ABCA1: variants seen among roughly 807,000 people sequenced by gnomAD.
ABCA1 encodes phospholipid-transporting ATPase ABCA1.
A neutral mutation model predicts 262.5 loss-of-function variants in ABCA1; 133 were observed. The observed-to-expected ratio is 0.51, with a 90% CI of 0.44 to 0.59. The LOEUF is 0.59. Ranked by LOEUF, ABCA1 falls within the 20% of genes least tolerant of loss-of-function variation. ABCA1 has a pLI of 0.00. For synonymous variants in ABCA1, 1,022 were observed against 1,043.5 expected (o/e 0.98, Z 0.40); for missense variants, 2,452 against 2,777.5 (o/e 0.88, Z 2.63).
chr9:104,916,369 A>G (rs1841842611), intron 1 of ABCA1, among the ~76,000 whole-genome samples: 1 of 152,224 alleles, frequency 6.6e-6, no homozygotes, highest in South Asian at 2.1e-4. Context: ...GTTGAGAGAA[A>G]CAAAAAATTC....
intron 7 of ABCA1, among the ~76,000 whole-genome samples, chr9:104,851,222 A>C (rs534817760): frequency 1.3e-5 from 2 of 152,314 alleles, no homozygotes; most frequent in Admixed American, 1.3e-4. Flanking sequence ...TCCAAAGGCC[A>C]TTCACATTCA....
At chr9:104,792,061 G>A in intron 42 of ABCA1, 63 bp from the exon 43 acceptor site, 1 of 1,473,822 alleles carries the variant, frequency 6.8e-7, no homozygotes, top group Admixed American at 1.8e-5. Context: ...CCAAGCAACT[G>A]TGGAAGGCAG....
chr9:104,811,267 C>T (rs1831256280), intron 28 of ABCA1, among the ~76,000 whole-genome samples: 1 of 152,242 alleles, frequency 6.6e-6, no homozygotes, highest in African/African-American at 2.4e-5. Flanking sequence ...CTGAGAAAGA[C>T]TACATTGGGC....
In ABCA1 at chr9:104,799,827, C is replaced by A. The variant is rs777214019; in HGVS notation, c.4935G>T (p.Glu1645Asp). Reference sequence around the variant, plus strand: ...GACACAGCCACACTTACAGAGCCACCTCTGAGAGCTGCTGCTTGGTGAGAT... The same window carrying A: ...GACACAGCCACACTTACAGAGCCACATCTGAGAGCTGCTGCTTGGTGAGAT... Reference protein sequence around the residue: ...PLNLTKQQLSEVALMTTSVDV... With the variant: ...PLNLTKQQLSDVALMTTSVDV... Residue 1645 changes from glutamate (E) to aspartate (D), a missense_variant, in exon 36 of 50, where the codon GAG (glutamate) becomes GAT (aspartate). Physicochemically the swap from Glu to Asp is conservative, Grantham distance 45. Coordinates refer to ENST00000374736, the MANE Select transcript of ABCA1 (RefSeq NM_005502.4). 2.5e-6 allele frequency: 4 copies of A among 1,614,190 alleles called. No homozygotes were observed. The highest frequency in any genetic ancestry group is 3.3e-5 in the Admixed American group (2 of 60,016).
chr9:104,847,771 C>T (rs988400418), intron 7 of ABCA1, among the ~76,000 whole-genome samples: 3 of 152,190 alleles, frequency 2.0e-5, no homozygotes, highest in Non-Finnish European at 4.4e-5. Flanking sequence ...GCCTTTCTCC[C>T]CTTCTAACCC....
At chr9:104,806,453 G>T in intron 30 of ABCA1, 23 bp from the exon 31 acceptor site, 1 of 1,613,514 alleles carries the variant, frequency 6.2e-7, no homozygotes, top group Non-Finnish European at 8.5e-7. Context: ...GACAGCAAGA[G>T]TAGGATTACC....
Position 104,883,158 on chromosome 9 carries a change from C to T in ABCA1, c.303-1G>A. The T allele has an allele frequency of 1.2e-6, 2 of 1,612,566 alleles. No individual in the cohort carries two copies. Among genetic ancestry groups the T allele is most frequent in the Non-Finnish European group, 1.7e-6 (2 of 1,179,484 alleles). On this transcript the variant is annotated splice_acceptor_variant, in intron 4 of 49. Transcript: ENST00000374736. LOFTEE classifies it high-confidence loss of function. The stretch of plus-strand genomic sequence containing the variant: ...AGCATCTGAGAACAGGCGAGCCACA[C>T]TGTAAAGGGTGCAAGAAAAGGCGAA...
chr9:104,781,029 G>A lies in ABCA1; in HGVS notation c.*3286C>T, dbSNP rs1828515012. ...TCTGTAGACCAACAGAACTGTCACAGCTTTATTTTGTGACTCATTATATTA... is the reference window on the plus strand; with the variant it reads ...TCTGTAGACCAACAGAACTGTCACAACTTTATTTTGTGACTCATTATATTA... On this transcript the variant is annotated 3_prime_UTR_variant, in exon 50 of 50. Transcript: ENST00000374736. 6.6e-6 allele frequency: 1 copy of A among 152,522 alleles called. No homozygotes were observed. The highest frequency in any genetic ancestry group is 2.4e-5 in the African/African-American group (1 of 41,402). 9.4% of individuals were successfully genotyped at this position (152,522 alleles called of 1,614,324 possible). A position where few individuals can be genotyped will look rare whatever the true frequency, so the allele number is the denominator to read the frequency against.
intron 2 of ABCA1, among the ~76,000 whole-genome samples, chr9:104,903,279 CT>C (rs1840816005): frequency 6.6e-6 from 1 of 152,104 alleles, no homozygotes; most frequent in Non-Finnish European, 1.5e-5. Flanking sequence ...CCATTAGGGG[CT>C]TTTGGAGAGC....
chr9:104,788,364 CA>C lies in ABCA1; in HGVS notation c.6069+61del, dbSNP rs146814933. 4.4e-3 allele frequency: 7,041 copies of C among 1,611,846 alleles called. 158 individuals are homozygous for C. The African/African-American group carries it at 0.059, about 14-fold the overall frequency. On this transcript the variant is annotated intron_variant, in intron 45 of 49. Transcript: ENST00000374736. The stretch of plus-strand genomic sequence containing the variant: ...CTGAAGTCAATGCGTGTGGAAAAGC[CA>C]TAAGGTATATATTGTCAGGATGCCA...
intron 5 of ABCA1, among the ~76,000 whole-genome samples, chr9:104,875,845 G>A (rs1030217863): frequency 6.6e-6 from 1 of 152,140 alleles, no homozygotes; most frequent in Non-Finnish European, 1.5e-5. Context: ...AGGGACCGCG[G>A]TGTGTATGTA....
intron 1 of ABCA1, among the ~76,000 whole-genome samples, chr9:104,904,511 A>G (rs1404193947): frequency 6.6e-6 from 1 of 150,586 alleles, no homozygotes; most frequent in Non-Finnish European, 1.5e-5. Flanking sequence ...AGGTGCAGTG[A>G]GCCAAGATTG....
intron 1 of ABCA1, among the ~76,000 whole-genome samples, chr9:104,911,534 C>T (rs1467640203): frequency 1.3e-5 from 2 of 152,206 alleles, no homozygotes; most frequent in African/African-American, 4.8e-5. Flanking sequence ...CCTGCAATTT[C>T]TCCCAGGCTG....
At position 104,817,283 on chromosome 9, in the gene ABCA1, C is replaced by T; in HGVS notation, c.3535+49G>A. On this transcript the variant is annotated intron_variant, in intron 24 of 49. Coordinates refer to ENST00000374736, the MANE Select transcript of ABCA1 (RefSeq NM_005502.4). This position sits in a 1 kb window ranked among gnomAD's most constrained non-coding sequence, Gnocchi z 4.7. ...CCTCCTCTGCCTCCACTCTGCCCAG[C>T]TGGGGGAAGCTCAGGCACCACCTGA... The T allele has an allele frequency of 6.2e-7, 1 of 1,613,912 alleles. No homozygotes were observed. The highest frequency in any genetic ancestry group is 8.5e-7 in the Non-Finnish European group (1 of 1,179,916).
intron 17 of ABCA1, among the ~76,000 whole-genome samples, chr9:104,825,005 GCT>G (rs1320755255): frequency 6.6e-6 from 1 of 152,216 alleles, no homozygotes; most frequent in Non-Finnish European, 1.5e-5. Context: ...GTTAAATCTT[GCT>G]CTCTCAGAAT....
Position 104,912,362 on chromosome 9 carries a change from A to G in ABCA1, c.-92-8591T>C, listed in dbSNP as rs1212467857. 2.6e-5 allele frequency among the ~76,000 whole-genome samples: 4 copies of G among 152,296 alleles called. No individual in the cohort carries two copies. The East Asian group carries it at 7.7e-4, about 29-fold the overall frequency. On this transcript the variant is annotated intron_variant, in intron 1 of 49. Transcript: ENST00000374736. ...TGCAGTGAGTTATGATCATGCCACC[A>G]TACTCCAACCTGGGCTACAGTGCAA... is the stretch of plus-strand genomic sequence containing the variant.
rs184900096 is a variant in ABCA1, at chr9:104,802,430, T to A, written c.4593-271A>T. On this transcript the variant is annotated intron_variant, in intron 33 of 49. Coordinates refer to ENST00000374736, the MANE Select transcript of ABCA1 (RefSeq NM_005502.4). ...ATTGAGGAAAGAATGGTGTTTCATC[T>A]CACAGATGCTCCTCCAACCCAGTGG... 1.6e-4 allele frequency among the ~76,000 whole-genome samples: 24 copies of A among 152,324 alleles called. No homozygotes were observed. The East Asian group carries it at 4.6e-3, about 29-fold the overall frequency.
At chr9:104,862,630 C>G (rs1302979388) in intron 5 of ABCA1, among the ~76,000 whole-genome samples, 1 of 90,348 alleles carries the variant, frequency 1.1e-5, no homozygotes, top group Admixed American at 1.2e-4. Context: ...AAAATGCAGA[C>G]TGCCGGGCCG....
At position 104,798,540 on chromosome 9, in the gene ABCA1, C is replaced by A; in HGVS notation, c.5002G>T (p.Val1668Phe). 3 of 1,614,090 alleles carry A rather than the reference C, an allele frequency of 1.9e-6. No homozygotes were observed. The highest frequency in any genetic ancestry group is 2.5e-6 in the Non-Finnish European group (3 of 1,179,996). Residue 1668 changes from valine (V) to phenylalanine (F), a missense_variant, in exon 37 of 50, where the codon GTC becomes TTC. Transcript: ENST00000374736. ...SICVIFAMSF[V>F]PASFVVFLIQ... ...AGGAATACGACAAAGCTGGCTGGGA[C>A]GAAGGACATTGCAAAGATGACACAG... is the stretch of plus-strand genomic sequence containing the variant.
Sources: allele counts gnomAD v4.1 joint callset (sites outside exome capture counted in the v4.1 genomes callset), GRCh38; gene constraint gnomAD v4.1.1; non-coding constraint Gnocchi (gnomAD v3.1); transcripts MANE v1.5; gene names NCBI Gene and HGNC (gene_info 2026-07-23, HGNC 2026-07-21).